Variants in P3H2 observed in about 807,000 individuals in gnomAD.
P3H2 encodes the protein prolyl 3-hydroxylase 2.
In P3H2, 80 loss-of-function variants were observed where a neutral mutation model predicts 87.0. The observed-to-expected ratio is 0.92, with a 90% CI of 0.77 to 1.11. The LOEUF (loss-of-function observed/expected upper bound fraction) is 1.11, where lower values mean the gene tolerates loss of function less well. Ranked by LOEUF, P3H2 falls within the 50% of genes least tolerant of loss-of-function variation. The probability of loss-of-function intolerance (pLI) is 0.00; values close to 1 mark genes in which losing one functional copy is unlikely to be tolerated. For missense variants in P3H2, 1,001 were observed against 923.9 expected (o/e 1.08, Z -1.08); for synonymous variants, 367 against 359.3 (o/e 1.02, Z -0.24).
chr3:190,061,999 A>G (rs1726345744), intron 1 of P3H2, among the ~76,000 whole-genome samples: 1 of 152,026 alleles, frequency 6.6e-6, no homozygotes. Flanking sequence ...TGGTAGTTGG[A>G]TTTTCTTTCT....
chr3:189,974,414 C>A (rs1723281338), intron 9 of P3H2, 144 bp downstream of exon 9: 1 of 1,138,540 alleles, frequency 8.8e-7, no homozygotes, highest in South Asian at 1.4e-5. Context: ...TATAAAAGTT[C>A]CTCAAAAATA....
At chr3:190,004,375 C>T (rs1275811199) in intron 1 of P3H2, among the ~76,000 whole-genome samples, 2 of 152,194 alleles carry the variant, frequency 1.3e-5, no homozygotes, top group Non-Finnish European at 2.9e-5. Flanking sequence ...ATGATACAAA[C>T]GATAATTTAT....
At chr3:190,034,278 A>T (rs1181972843) in intron 1 of P3H2, among the ~76,000 whole-genome samples, 1 of 152,222 alleles carries the variant, frequency 6.6e-6, no homozygotes, top group African/African-American at 2.4e-5. Context: ...AGAGACACCT[A>T]AAAAAGATGA....
intron 1 of P3H2, among the ~76,000 whole-genome samples, chr3:190,102,651 A>C (rs1426883853): frequency 6.6e-6 from 1 of 150,924 alleles, no homozygotes; most frequent in East Asian, 1.9e-4. Flanking sequence ...GTGAAGATGC[A>C]GTGAACACTG....
At chr3:189,962,161 C>CTTTTTTTTTTTTTTTTTTTTTTTTTT (rs770628547) in intron 14 of P3H2, among the ~76,000 whole-genome samples, 3 of 87,648 alleles carry the variant, frequency 3.4e-5, no homozygotes, top group Admixed American at 1.4e-4. Context: ...TCTTCTTCTT[C>CTTTTTTTTTTTTTTTTTTTTTTTTTT]TTTTTTTTTT....
In P3H2 at chr3:189,969,892, G is replaced by A. The variant is rs181688236; in HGVS notation, c.1893+924C>T. 4.2e-3 allele frequency: 4,135 copies of A among 983,584 alleles called. 12 individuals carry two copies. The highest frequency in any genetic ancestry group is 5.6e-3 in the Non-Finnish European group (3,375 of 608,072). 60.9% of individuals were successfully genotyped at this position (983,584 alleles called of 1,614,324 possible). ...CACAGGAAAGGAAGCTGCAGTGGGC[G>A]AGCACTCGGGACTAAGGGAATGAAG... is the stretch of plus-strand genomic sequence containing the variant. On this transcript the variant is annotated intron_variant, in intron 13 of 14. Transcript: ENST00000319332.
intron 8 of P3H2, among the ~76,000 whole-genome samples, chr3:189,979,074 T>C (rs1723443466): frequency 6.6e-6 from 1 of 152,128 alleles, no homozygotes; most frequent in South Asian, 2.1e-4. Flanking sequence ...ATACAAAGCA[T>C]GATGGTGTAG....
intron 3 of P3H2, among the ~76,000 whole-genome samples, chr3:189,989,970 G>C (rs1327579819): frequency 1.3e-5 from 2 of 152,186 alleles, no homozygotes; most frequent in African/African-American, 4.8e-5. Context: ...CAGCAAGAAA[G>C]ATTCATTCAT....
Position 189,975,766 on chromosome 3 carries a change from A to G in P3H2, c.1325-1081T>C, listed in dbSNP as rs189170545. Among the ~76,000 whole-genome samples the G allele has an allele frequency of 1.6e-4, 25 of 152,340 alleles. No homozygotes were observed. The East Asian group carries it at 4.8e-3, about 29-fold the overall frequency. On this transcript the variant is annotated intron_variant, in intron 8 of 14. Coordinates refer to ENST00000319332, the MANE Select transcript of P3H2 (RefSeq NM_018192.4). ...AGGGAAGAGCACTGTCTAAATGTTT[A>G]TTAGTCTAGCTAGGATAAAAGACTC...
chr3:190,036,449 A>T (rs3099615), intron 1 of P3H2, among the ~76,000 whole-genome samples: 119,550 of 151,788 alleles, frequency 0.79, 47,133 homozygotes, highest in East Asian at 0.86. Context: ...CTTAATAATT[A>T]ATAACATCTA....
intron 1 of P3H2, among the ~76,000 whole-genome samples, chr3:190,065,673 T>C (rs1726473083): frequency 6.6e-6 from 1 of 152,190 alleles, no homozygotes; most frequent in Admixed American, 6.6e-5. Flanking sequence ...CTTAATTATA[T>C]GAAATGTCCT....
In P3H2 at chr3:189,973,949, T is replaced by A. The variant is rs35072845; in HGVS notation, c.1508A>T (p.Asn503Ile). The A allele has an allele frequency of 6.2e-7, 1 of 1,614,174 alleles. No individual in the cohort carries two copies. Among genetic ancestry groups the A allele is most frequent in the African/African-American group, 1.3e-5 (1 of 75,048 alleles). ...YRGKTSPHTP[N>I]EKFEGATVLK... is the part of the protein sequence containing the mutation. The stretch of plus-strand genomic sequence containing the variant: ...GACAGTTGCACCTTCAAACTTTTCA[T>A]TGGGTGTATGGGGTGAAGTTTTTCC... The change falls in exon 10 of 15, where the codon AAT (asparagine) becomes ATT (isoleucine). Residue 503 changes from asparagine to isoleucine, a missense_variant. Transcript: ENST00000319332.
At chr3:190,110,861 A>T (rs1315832052) in intron 1 of P3H2, among the ~76,000 whole-genome samples, 1 of 152,160 alleles carries the variant, frequency 6.6e-6, no homozygotes, top group East Asian at 1.9e-4. Flanking sequence ...GTAATCATTT[A>T]TTTTATTACA....
intron 8 of P3H2, among the ~76,000 whole-genome samples, chr3:189,977,748 G>A (rs1037203978): frequency 2.6e-5 from 4 of 151,442 alleles, no homozygotes; most frequent in East Asian, 1.9e-4. Flanking sequence ...CTATAGGCAC[G>A]CACCACCATG....
intron 14 of P3H2, among the ~76,000 whole-genome samples, chr3:189,959,066 G>C (rs907394728): frequency 6.6e-6 from 1 of 151,690 alleles, no homozygotes; most frequent in Non-Finnish European, 1.5e-5. Flanking sequence ...AATTGCTCTC[G>C]CTGTTTCACT....
intron 8 of P3H2, among the ~76,000 whole-genome samples, chr3:189,981,366 G>C (rs1488665686): frequency 6.6e-6 from 1 of 152,176 alleles, no homozygotes; most frequent in Non-Finnish European, 1.5e-5. Flanking sequence ...GAACTGAATT[G>C]GATTAGTTCA....
chr3:190,021,495 CTTTTA>C (rs1291530524), intron 1 of P3H2, among the ~76,000 whole-genome samples: 2 of 134,578 alleles, frequency 1.5e-5, no homozygotes, highest in Admixed American at 7.6e-5. Flanking sequence ...TATATTTTTT[CTTTTA>C]TAATTTCCTT....
chr3:189,994,908 C>G (rs529220445), intron 2 of P3H2, among the ~76,000 whole-genome samples: 1 of 152,116 alleles, frequency 6.6e-6, no homozygotes, highest in African/African-American at 2.4e-5. Flanking sequence ...TAATCCTGAA[C>G]AATTTACACT....
At chr3:190,098,055 T>C (rs898779490) in intron 1 of P3H2, among the ~76,000 whole-genome samples, 1 of 152,230 alleles carries the variant, frequency 6.6e-6, no homozygotes, top group Admixed American at 6.5e-5. Context: ...AAACATTTTA[T>C]GAATATGGTA....
Sources: allele counts gnomAD v4.1 joint callset (sites outside exome capture counted in the v4.1 genomes callset), GRCh38; gene constraint gnomAD v4.1.1; transcripts MANE v1.5; gene names NCBI Gene and HGNC (gene_info 2026-07-23, HGNC 2026-07-21).